FBXL17: variants seen among roughly 807,000 people sequenced by gnomAD.
The protein encoded by FBXL17 is F-box/LRR-repeat protein 17.
FBXL17 carries 22 observed loss-of-function variants against 66.2 expected under a neutral mutation model. The observed-to-expected ratio is 0.33, with a 90% CI of 0.24 to 0.47. The LOEUF (loss-of-function observed/expected upper bound fraction) is 0.47, where lower values mean the gene tolerates loss of function less well. Among genes scored for constraint, FBXL17 ranks in the 20% least tolerant of loss-of-function variants. The pLI, the probability that FBXL17 is intolerant of heterozygous loss-of-function variation, is 1.00. For missense variants in FBXL17, 878 were observed against 948.2 expected, an observed-to-expected ratio of 0.93 and a Z score of 0.97; for synonymous variants, 474 against 400.5, an observed-to-expected ratio of 1.18 and a Z score of -2.19.
chr5:107,970,532 G>T (rs1417214763), intron 7 of FBXL17, among the ~76,000 whole-genome samples: 1 of 152,056 alleles, frequency 6.6e-6, no homozygotes, highest in East Asian at 1.9e-4. Context: ...TATGATCAAA[G>T]CCAAAAATAA....
chr5:108,060,743 T>C (rs1234261131), intron 6 of FBXL17, among the ~76,000 whole-genome samples: 3 of 152,082 alleles, frequency 2.0e-5, no homozygotes, highest in Admixed American at 2.0e-4. Flanking sequence ...CACAATCCTA[T>C]GGCCTCCCTT....
chr5:108,325,100 A>G (rs980172636), intron 4 of FBXL17, among the ~76,000 whole-genome samples: 2 of 152,108 alleles, frequency 1.3e-5, no homozygotes, highest in African/African-American at 4.8e-5. Flanking sequence ...CAAGATAACG[A>G]GAGTTTTGGA....
intron 5 of FBXL17, among the ~76,000 whole-genome samples, chr5:108,200,117 G>T (rs540822936): frequency 1.3e-5 from 2 of 152,238 alleles, no homozygotes; most frequent in South Asian, 4.1e-4. Context: ...CTGCAGATCA[G>T]TCCAGGGCTG....
At chr5:108,368,555 G>A (rs1162309261) in intron 1 of FBXL17, among the ~76,000 whole-genome samples, 4 of 151,852 alleles carry the variant, frequency 2.6e-5, no homozygotes, top group Non-Finnish European at 4.4e-5. Flanking sequence ...AAAAATTCAA[G>A]GTCATGAAAA....
At chr5:108,199,643 T>G (rs527926117) in intron 5 of FBXL17, among the ~76,000 whole-genome samples, 5 of 152,100 alleles carry the variant, frequency 3.3e-5, no homozygotes, top group Admixed American at 6.6e-5. Context: ...CAGGTCTAAT[T>G]TAAATCTTAT....
intron 4 of FBXL17, among the ~76,000 whole-genome samples, chr5:108,248,774 C>G (rs569512027): frequency 6.6e-6 from 1 of 151,976 alleles, no homozygotes; most frequent in South Asian, 2.1e-4. Context: ...ACCATGTAAG[C>G]CAGATGGAAG....
In FBXL17 at chr5:108,367,971, T is replaced by C; in HGVS notation, c.994-18A>G. On this transcript the variant is annotated intron_variant, in intron 1 of 8. Coordinates refer to ENST00000542267, the MANE Select transcript of FBXL17 (RefSeq NM_001163315.3). ...GAAAATATCTGTGAATAAAAAACGG[T>C]ACCATATAATATGTGCTAAACATTT... 1 of 1,547,310 alleles carries C rather than the reference T, an allele frequency of 6.5e-7. No homozygotes were observed. Among genetic ancestry groups the C allele is most frequent in the Non-Finnish European group, 8.7e-7 (1 of 1,144,622 alleles).
At chr5:107,891,385 T>C (rs1749191470) in intron 7 of FBXL17, among the ~76,000 whole-genome samples, 3 of 152,170 alleles carry the variant, frequency 2.0e-5, no homozygotes, top group South Asian at 4.1e-4. Flanking sequence ...ACAGGAGTGA[T>C]ATAATTTAAG....
At chr5:108,155,487 C>T (rs1350913631) in intron 6 of FBXL17, among the ~76,000 whole-genome samples, 1 of 152,080 alleles carries the variant, frequency 6.6e-6, no homozygotes, top group Non-Finnish European at 1.5e-5. Context: ...TGCACTCCAG[C>T]CTGGGTGACA....
intron 6 of FBXL17, among the ~76,000 whole-genome samples, chr5:108,060,222 G>C (rs1747869225): frequency 6.6e-6 from 1 of 151,652 alleles, no homozygotes; most frequent in East Asian, 1.9e-4. Context: ...TATATTGATT[G>C]GTATTACTAC....
intron 7 of FBXL17, among the ~76,000 whole-genome samples, chr5:108,017,988 G>C (rs1754448337): frequency 6.6e-6 from 1 of 151,984 alleles, no homozygotes; most frequent in Non-Finnish European, 1.5e-5. Flanking sequence ...TGAGAATCTT[G>C]ACAAAAATTA....
chr5:108,244,368 T>TGTGTC (rs1473140929), intron 4 of FBXL17, among the ~76,000 whole-genome samples: 2 of 152,146 alleles, frequency 1.3e-5, no homozygotes, highest in African/African-American at 4.8e-5. Flanking sequence ...TACTGGAATG[T>TGTGTC]GTGTCTAGGT....
rs193097796 is a variant in FBXL17 at position 107,983,754 on chromosome 5, G to C, written c.1822+37171C>G. 5.7e-3 allele frequency among the ~76,000 whole-genome samples: 867 copies of C among 152,228 alleles called. 6 individuals carry two copies. Among genetic ancestry groups the C allele is most frequent in the African/African-American group, 0.019 (788 of 41,534 alleles). ...AGGACTGGAAACTGGCATCTTTGCT[G>C]TATTCCCCAAATTATTTTGGGTAGA... On this transcript the variant is annotated intron_variant, in intron 7 of 8. Coordinates refer to ENST00000542267, the MANE Select transcript of FBXL17 (RefSeq NM_001163315.3).
In FBXL17 at chr5:108,000,888, A is replaced by G. The variant is rs142020669; in HGVS notation, c.1822+20037T>C. Among the ~76,000 whole-genome samples, 14 of 152,354 alleles carry G rather than the reference A, an allele frequency of 9.2e-5. No individual in the cohort carries two copies. The East Asian group carries it at 2.7e-3, about 29-fold the overall frequency. On this transcript the variant is annotated intron_variant, in intron 7 of 8. Transcript: ENST00000542267. ...AAGAAAAAGAGGAACATAGCACAAT[A>G]AATTATTTTAATGCATTTGGCTAGT...
At position 108,381,912 on chromosome 5, in the gene FBXL17, G is replaced by A. The variant is rs1048791640; in HGVS notation, c.-221C>T. 1.6e-6 allele frequency: 2 copies of A among 1,264,616 alleles called. No homozygotes were observed. Among genetic ancestry groups the A allele is most frequent in the African/African-American group, 3.1e-5 (2 of 64,384 alleles). 78.3% of individuals were successfully genotyped at this position (1,264,616 alleles called of 1,614,324 possible). On this transcript the variant is annotated 5_prime_UTR_variant, in exon 1 of 9. Coordinates refer to ENST00000542267, the MANE Select transcript of FBXL17 (RefSeq NM_001163315.3). The stretch of plus-strand genomic sequence containing the variant: ...GGGGCTACATGCTTTGCCCAGGGAA[G>A]CCGGGAGAACGATGGGCGCGAGCTT...
chr5:108,249,241 T>C (rs900984040), intron 4 of FBXL17, among the ~76,000 whole-genome samples: 2 of 152,008 alleles, frequency 1.3e-5, no homozygotes, highest in Non-Finnish European at 2.9e-5. Flanking sequence ...CCACCATGAC[T>C]AGACATGCCT....
intron 6 of FBXL17, among the ~76,000 whole-genome samples, chr5:108,059,223 C>T (rs1170971762): frequency 6.6e-6 from 1 of 152,062 alleles, no homozygotes; most frequent in Admixed American, 6.6e-5. Context: ...AGAGTGAAAC[C>T]TTTACTGCTT....
chr5:108,269,536 A>G (rs950290748), intron 4 of FBXL17, among the ~76,000 whole-genome samples: 1 of 151,938 alleles, frequency 6.6e-6, no homozygotes, highest in African/African-American at 2.4e-5. Context: ...ATTTTTATTT[A>G]TTTTTTCCAC....
At chr5:108,098,535 G>A (rs542126616) in intron 6 of FBXL17, among the ~76,000 whole-genome samples, 8 of 152,158 alleles carry the variant, frequency 5.3e-5, no homozygotes, top group African/African-American at 1.9e-4. Flanking sequence ...CACGAGGTCA[G>A]GAGATCGAGA....
Sources: gnomAD v4.1 joint callset for allele counts (sites outside exome capture counted in the v4.1 genomes callset) on GRCh38, gnomAD v4.1.1 for gene constraint, MANE v1.5 for transcripts, NCBI Gene and HGNC (gene_info 2026-07-23, HGNC 2026-07-21) for gene names.